Variants in SNX29 observed in about 807,000 individuals in gnomAD.
SNX29 encodes the protein sorting nexin 29, also known as sorting nexin-29.
SNX29 carries 78 observed loss-of-function variants against 102.1 expected under a neutral mutation model. The observed-to-expected ratio is 0.76, with a 90% confidence interval of 0.64 to 0.92. SNX29 has a LOEUF of 0.92. Ranked by LOEUF, SNX29 falls within the 40% of genes least tolerant of loss-of-function variation. SNX29 has a pLI of 0.00. For synonymous variants in SNX29, 580 were observed against 414.5 expected, an observed-to-expected ratio of 1.40 and a Z score of -4.85; for missense variants, 1,280 against 1,061.7, an observed-to-expected ratio of 1.21 and a Z score of -2.86.
chr16:12,414,222 A>C (rs1462483527), intron 18 of SNX29, among the ~76,000 whole-genome samples: 2 of 152,196 alleles, frequency 1.3e-5, no homozygotes, highest in African/African-American at 4.8e-5. Context: ...AAAATTAAAA[A>C]TTTGAGCCAG....
intron 18 of SNX29, among the ~76,000 whole-genome samples, chr16:12,436,449 C>T: frequency 6.6e-6 from 1 of 152,232 alleles, no homozygotes; most frequent in African/African-American, 2.4e-5. Context: ...CGCGCGAGCA[C>T]CTGGCTGCTT....
At chr16:11,983,822 C>A in intron 1 of SNX29, 1 of 479,932 alleles carries the variant, frequency 2.1e-6, no homozygotes, top group Non-Finnish European at 2.7e-6. Context: ...AGATAAAGCA[C>A]CTTCCATCTG....
intron 15 of SNX29, among the ~76,000 whole-genome samples, chr16:12,283,371 G>A (rs1183778900): frequency 6.6e-6 from 1 of 151,312 alleles, no homozygotes; most frequent in Non-Finnish European, 1.5e-5. Flanking sequence ...CCAGGCTGGA[G>A]TGTAGTGGCG....
At chr16:12,405,065 C>G (rs2084107053) in intron 18 of SNX29, among the ~76,000 whole-genome samples, 1 of 152,196 alleles carries the variant, frequency 6.6e-6, no homozygotes, top group South Asian at 2.1e-4. Context: ...ATCCTCTTCT[C>G]TTTGTTTCTC....
intron 20 of SNX29, among the ~76,000 whole-genome samples, chr16:12,525,599 G>C (rs939143224): frequency 4.6e-5 from 7 of 152,098 alleles, no homozygotes. Context: ...GGCTGAGGCA[G>C]GAGAATCACT....
At chr16:12,537,565 A>C (rs1321551825) in intron 20 of SNX29, among the ~76,000 whole-genome samples, 1 of 152,214 alleles carries the variant, frequency 6.6e-6, no homozygotes, top group Admixed American at 6.5e-5. Flanking sequence ...AAGGGAAGCA[A>C]TTTTGACTTT....
chr16:12,235,836 G>A (rs2077914594), intron 14 of SNX29, among the ~76,000 whole-genome samples: 2 of 151,900 alleles, frequency 1.3e-5, no homozygotes, highest in Non-Finnish European at 2.9e-5. Context: ...TGTGCTTGGA[G>A]TGTAGATTCT....
rs182654806 is a variant in SNX29, at chr16:12,572,406, C to T, written c.*3777C>T. On this transcript the variant is annotated 3_prime_UTR_variant, in exon 21 of 21. Transcript: ENST00000566228. ...TATATCCCAACAGCCTGAGGCAGGGCTCTGTGGCCCAGGCCGGCAGTGGCT... is the reference window on the plus strand; with the variant it reads ...TATATCCCAACAGCCTGAGGCAGGGTTCTGTGGCCCAGGCCGGCAGTGGCT... 337 of 1,063,680 alleles carry T rather than the reference C, an allele frequency of 3.2e-4. 1 individual carries two copies. The African/African-American group carries it at 5.1e-3, about 16-fold the overall frequency. The allele number at this position is 1,063,680 out of a possible 1,614,324, so 65.9% of individuals were successfully genotyped here. A position where few individuals can be genotyped will look rare whatever the true frequency, so the allele number is the denominator to read the frequency against.
intron 1 of SNX29, among the ~76,000 whole-genome samples, chr16:11,988,690 A>G (rs905885489): frequency 6.6e-6 from 1 of 152,038 alleles, no homozygotes; most frequent in Non-Finnish European, 1.5e-5. Flanking sequence ...GTGAGCCACC[A>G]TGCTTGGCCT....
chr16:12,159,626 G>A (rs1405489048), intron 13 of SNX29, among the ~76,000 whole-genome samples: 3 of 152,164 alleles, frequency 2.0e-5, no homozygotes, highest in Non-Finnish European at 2.9e-5. Context: ...TTGGGGAGCC[G>A]AAGCAGGAGA....
At chr16:12,053,352 G>C (rs1031823623) in intron 8 of SNX29, 1 of 151,130 alleles carries the variant, frequency 6.6e-6, no homozygotes, top group Non-Finnish European at 1.5e-5. Flanking sequence ...AGGCTTTGTG[G>C]TGCGCAGTGC....
At chr16:12,273,601 G>T (rs751363390) in intron 14 of SNX29, among the ~76,000 whole-genome samples, 8 of 152,020 alleles carry the variant, frequency 5.3e-5, no homozygotes, top group Non-Finnish European at 1.0e-4. Context: ...CAGGTGATCT[G>T]CCCACCTCAA....
In SNX29 at chr16:12,097,078, C is replaced by T. The variant is rs1176135614; in HGVS notation, c.1402+18163C>T. Among the ~76,000 whole-genome samples the T allele has an allele frequency of 3.3e-5, 5 of 152,202 alleles. No homozygotes were observed. In the East Asian group the frequency reaches 7.7e-4, roughly 23 times the overall value. Reference sequence around the variant, plus strand: ...GCACCTCTGGTTCCGTCACTAAGCACTGCAGGATGTCGGGATGGGCTTGAG... The same window carrying T: ...GCACCTCTGGTTCCGTCACTAAGCATTGCAGGATGTCGGGATGGGCTTGAG... On this transcript the variant is annotated intron_variant, in intron 11 of 20. Coordinates refer to ENST00000566228, the MANE Select transcript of SNX29 (RefSeq NM_032167.5).
chr16:12,376,254 C>G (rs775025438), intron 16 of SNX29, among the ~76,000 whole-genome samples: 6 of 152,160 alleles, frequency 3.9e-5, no homozygotes, highest in Non-Finnish European at 7.4e-5. Context: ...GGCACCTTTA[C>G]TGGCCCCCCG....
At chr16:12,276,948 C>T (rs139806899) in intron 14 of SNX29, among the ~76,000 whole-genome samples, 1 of 152,154 alleles carries the variant, frequency 6.6e-6, no homozygotes, top group Non-Finnish European at 1.5e-5. Flanking sequence ...GGTTTTCTTG[C>T]TGTCATCCTA....
At chr16:12,423,923 T>A (rs2084960460) in intron 18 of SNX29, among the ~76,000 whole-genome samples, 1 of 152,200 alleles carries the variant, frequency 6.6e-6, no homozygotes, top group South Asian at 2.1e-4. Flanking sequence ...CAAAAGGTGA[T>A]ACTGTTGAGG....
At chr16:12,288,078 C>G (rs972519360) in intron 15 of SNX29, among the ~76,000 whole-genome samples, 2 of 152,142 alleles carry the variant, frequency 1.3e-5, no homozygotes, top group African/African-American at 4.8e-5. Flanking sequence ...GTCCCAGCCA[C>G]TCAGGAAGTT....
chr16:12,197,042 A>T (rs2141948665), intron 13 of SNX29, among the ~76,000 whole-genome samples: 1 of 152,378 alleles, frequency 6.6e-6, no homozygotes, highest in Admixed American at 6.5e-5. Flanking sequence ...AGGGAAGCTG[A>T]GGATCGGCCC....
chr16:12,142,991 G>A (rs1207648133), intron 13 of SNX29, among the ~76,000 whole-genome samples: 4 of 150,640 alleles, frequency 2.7e-5, no homozygotes, highest in East Asian at 2.0e-4. Context: ...GGATATGCAA[G>A]CAAAGAAAAT....
Sources: allele counts gnomAD v4.1 joint callset (sites outside exome capture counted in the v4.1 genomes callset), GRCh38; gene constraint gnomAD v4.1.1; transcripts MANE v1.5; gene names NCBI Gene and HGNC (gene_info 2026-07-23, HGNC 2026-07-21).